The following EHBP1 variants were observed in gnomAD, a reference collection of about 807,000 sequenced individuals.
The protein encoded by EHBP1 is EH domain-binding protein 1.
Under a neutral mutation model 144.0 loss-of-function variants are expected in EHBP1, and 55 were observed. The observed-to-expected ratio is 0.38, with a 90% CI of 0.31 to 0.48. The LOEUF (loss-of-function observed/expected upper bound fraction) is 0.48. Ranked by LOEUF, EHBP1 falls within the 20% of genes least tolerant of loss-of-function variation. The pLI is 0.98. For missense variants in EHBP1, 1,200 were observed against 1,364.2 expected, an observed-to-expected ratio of 0.88 and a Z score of 1.90; for synonymous variants, 469 against 472.7, an observed-to-expected ratio of 0.99 and a Z score of 0.10.
At chr2:62,696,508 C>CTTTTTTTT (rs869081763) in intron 1 of EHBP1, among the ~76,000 whole-genome samples, 9 of 76,746 alleles carry the variant, frequency 1.2e-4, no homozygotes, top group East Asian at 4.0e-4. Flanking sequence ...TTTTTTTCTT[C>CTTTTTTTT]TTTTTTTTTT....
At chr2:62,725,881 G>T (rs1157438846) in intron 2 of EHBP1, among the ~76,000 whole-genome samples, 1 of 152,104 alleles carries the variant, frequency 6.6e-6, no homozygotes, top group Non-Finnish European at 1.5e-5. Flanking sequence ...TATGAGAGCT[G>T]CCCTGCTGGA....
chr2:62,914,501 T>C (rs1316308523), intron 10 of EHBP1, among the ~76,000 whole-genome samples: 2 of 152,074 alleles, frequency 1.3e-5, no homozygotes, highest in Non-Finnish European at 2.9e-5. Context: ...ACTATATTAG[T>C]TTAGGTTTTA....
chr2:62,696,404 C>A (rs2034093810), intron 1 of EHBP1, among the ~76,000 whole-genome samples: 1 of 151,456 alleles, frequency 6.6e-6, no homozygotes, highest in Non-Finnish European at 1.5e-5. Flanking sequence ...ACCTTGGCCT[C>A]CCAAAATGCT....
intron 10 of EHBP1, among the ~76,000 whole-genome samples, chr2:62,879,204 G>A (rs907575910): frequency 6.6e-6 from 1 of 152,050 alleles, no homozygotes; most frequent in Non-Finnish European, 1.5e-5. Flanking sequence ...GGCAAAAGCT[G>A]GAAGTATTCC....
At chr2:62,845,531 G>A (rs962625112) in intron 7 of EHBP1, among the ~76,000 whole-genome samples, 23 of 152,064 alleles carry the variant, frequency 1.5e-4, no homozygotes, top group Admixed American at 2.0e-4. Context: ...GCTATGAATG[G>A]AGATAAGTAG....
At chr2:62,684,443 C>T (rs187461721) in intron 1 of EHBP1, among the ~76,000 whole-genome samples, 5 of 152,014 alleles carry the variant, frequency 3.3e-5, no homozygotes, top group Admixed American at 3.3e-4. Context: ...GTTGAAAAGT[C>T]GGTTCTTCAA....
intron 19 of EHBP1, among the ~76,000 whole-genome samples, chr2:63,033,073 T>G (rs2061326900): frequency 6.6e-6 from 1 of 152,196 alleles, no homozygotes; most frequent in Non-Finnish European, 1.5e-5. Context: ...ATTTCCTAAG[T>G]TTAAATATTT....
At chr2:62,909,257 C>T (rs2054019681) in intron 10 of EHBP1, among the ~76,000 whole-genome samples, 1 of 152,092 alleles carries the variant, frequency 6.6e-6, no homozygotes, top group African/African-American at 2.4e-5. Context: ...TGGCTCAATG[C>T]AACCTCCACC....
At chr2:63,022,372 T>C (rs2060791845) in intron 19 of EHBP1, among the ~76,000 whole-genome samples, 1 of 152,018 alleles carries the variant, frequency 6.6e-6, no homozygotes, top group South Asian at 2.1e-4. Flanking sequence ...TGGAGTGCAA[T>C]GGCGCAATCT....
intron 10 of EHBP1, among the ~76,000 whole-genome samples, chr2:62,877,427 A>G (rs1008678781): frequency 6.6e-6 from 1 of 152,212 alleles, no homozygotes; most frequent in African/African-American, 2.4e-5. Flanking sequence ...CACTGACAAT[A>G]TTAGACAGAT....
At chr2:62,726,031 G>A (rs360799) in intron 2 of EHBP1, among the ~76,000 whole-genome samples, 50,967 of 151,802 alleles carry the variant, frequency 0.34, 8,602 homozygotes, top group Middle Eastern at 0.44. Flanking sequence ...CAGGGGTTGG[G>A]CTGGCCTTGT....
intron 5 of EHBP1, among the ~76,000 whole-genome samples, chr2:62,799,436 C>T (rs114736578): frequency 0.019 from 2,916 of 152,170 alleles, 47 homozygotes; most frequent in Non-Finnish European, 0.025. Context: ...TTTTAAACTT[C>T]GGAAAGTTTA....
intron 10 of EHBP1, among the ~76,000 whole-genome samples, chr2:62,880,820 T>A (rs998937797): frequency 6.6e-6 from 1 of 152,088 alleles, no homozygotes; most frequent in Non-Finnish European, 1.5e-5. Flanking sequence ...GTAAAATAGT[T>A]CAGCCACTAT....
intron 7 of EHBP1, among the ~76,000 whole-genome samples, chr2:62,846,990 A>G (rs2048340343): frequency 6.6e-6 from 1 of 152,232 alleles, no homozygotes; most frequent in Non-Finnish European, 1.5e-5. Context: ...AAGTGATTCT[A>G]AAGTATATTT....
chr2:62,924,933 G>A (rs568783571), intron 10 of EHBP1, among the ~76,000 whole-genome samples: 25 of 152,234 alleles, frequency 1.6e-4, no homozygotes, highest in Admixed American at 5.9e-4. Context: ...CCTGATGAAC[G>A]TGGACACAAA....
At chr2:62,815,263 A>G (rs1308347325) in intron 5 of EHBP1, among the ~76,000 whole-genome samples, 1 of 152,228 alleles carries the variant, frequency 6.6e-6, no homozygotes, top group Non-Finnish European at 1.5e-5. Context: ...ATGAAGAAGA[A>G]ATAAACTCAC....
rs114862239 is a variant in EHBP1 at position 62,842,757 on chromosome 2, A to G, written c.634+11599A>G. ...TATTATTTATAGATGGCTTTTGATT[A>G]AAACTAAATCTCAATTAGATACGGG... is the stretch of plus-strand genomic sequence containing the variant. On this transcript the variant is annotated intron_variant, in intron 7 of 22. Coordinates refer to ENST00000431489, the MANE Select transcript of EHBP1 (RefSeq NM_001142616.3). Among the ~76,000 whole-genome samples the G allele has an allele frequency of 7.9e-3, 1,203 of 152,326 alleles. 16 individuals are homozygous for G. Among genetic ancestry groups the G allele is most frequent in the African/African-American group, 0.028 (1,171 of 41,574 alleles).
intron 2 of EHBP1, among the ~76,000 whole-genome samples, chr2:62,718,402 C>G (rs1483560277): frequency 6.6e-6 from 1 of 152,138 alleles, no homozygotes; most frequent in Non-Finnish European, 1.5e-5. Flanking sequence ...GCTCACTAGC[C>G]ACATGTGGCT....
chr2:62,966,586 A>C (rs765181150), intron 14 of EHBP1, among the ~76,000 whole-genome samples: 9 of 152,178 alleles, frequency 5.9e-5, no homozygotes, highest in Non-Finnish European at 1.3e-4. Flanking sequence ...TGTATTTGAA[A>C]ATCAGTAAAT....
Sources: gnomAD v4.1 joint callset for allele counts (sites outside exome capture counted in the v4.1 genomes callset) on GRCh38, gnomAD v4.1.1 for gene constraint, MANE v1.5 for transcripts, NCBI Gene and HGNC (gene_info 2026-07-23, HGNC 2026-07-21) for gene names.